Variants in NKAIN2 observed in about 807,000 individuals in gnomAD.
The protein encoded by NKAIN2 is sodium/potassium transporting ATPase interacting 2.
NKAIN2 carries 14 observed loss-of-function variants against 32.6 expected under a neutral mutation model. The observed-to-expected ratio is 0.43, with a 90% CI of 0.28 to 0.67. The LOEUF (loss-of-function observed/expected upper bound fraction) is 0.67, where lower values mean the gene tolerates loss of function less well. Ranked by LOEUF, NKAIN2 falls within the 30% of genes least tolerant of loss-of-function variation. The probability of loss-of-function intolerance (pLI) is 0.17; values close to 1 mark genes in which losing one functional copy is unlikely to be tolerated. For synonymous variants in NKAIN2, 80 were observed against 87.2 expected (o/e 0.92, Z 0.46); for missense variants, 198 against 258.3 (o/e 0.77, Z 1.60).
intron 3 of NKAIN2, among the ~76,000 whole-genome samples, chr6:124,451,858 G>A (rs1307913963): frequency 6.6e-6 from 1 of 151,966 alleles, no homozygotes; most frequent in Non-Finnish European, 1.5e-5. Context: ...CCTCTGTTGT[G>A]GATGTGATAA....
At chr6:124,008,332 A>G (rs1388494656) in intron 1 of NKAIN2, among the ~76,000 whole-genome samples, 1 of 149,084 alleles carries the variant, frequency 6.7e-6, no homozygotes, top group African/African-American at 2.6e-5. Flanking sequence ...ACCAAACACA[A>G]TGTAAACACT....
intron 5 of NKAIN2, among the ~76,000 whole-genome samples, chr6:124,793,238 G>A (rs974003629): frequency 2.0e-5 from 3 of 152,094 alleles, no homozygotes; most frequent in South Asian, 2.1e-4. Context: ...TGCCACTTGC[G>A]AAGAAAAATG....
At chr6:124,426,815 A>C (rs1431558053) in intron 3 of NKAIN2, among the ~76,000 whole-genome samples, 1 of 152,120 alleles carries the variant, frequency 6.6e-6, no homozygotes, top group East Asian at 1.9e-4. Flanking sequence ...TGCCATTCTC[A>C]TGATAGTGAG....
rs960917537 is a variant in NKAIN2 at position 124,342,953 on chromosome 6, C to T, written c.193-12314C>T. The stretch of plus-strand genomic sequence containing the variant: ...CCATTAACTCATCATTTAGCATTAG[C>T]TATATCTCCTAATGCTATCCCTTCC... On this transcript the variant is annotated intron_variant, in intron 2 of 6. Transcript: ENST00000368417. Among the ~76,000 whole-genome samples, 18 of 151,108 alleles carry T rather than the reference C, an allele frequency of 1.2e-4. 1 individual carries two copies. The highest frequency in any genetic ancestry group is 3.4e-3 in the Middle Eastern group (1 of 294).
At position 124,485,366 on chromosome 6, in the gene NKAIN2, A is replaced by C. The variant is rs1360497334; in HGVS notation, c.273+130019A>C. ...CCCATTACACCAACAAATGATAAGT[A>C]GTTAATGAAAGCAGACTCTCTCCTT... On this transcript the variant is annotated intron_variant, in intron 3 of 6. Coordinates refer to ENST00000368417, the MANE Select transcript of NKAIN2 (RefSeq NM_001040214.3). 2.0e-5 allele frequency among the ~76,000 whole-genome samples: 3 copies of C among 152,166 alleles called. No individual in the cohort carries two copies. The East Asian group carries it at 5.8e-4, about 29-fold the overall frequency.
intron 2 of NKAIN2, among the ~76,000 whole-genome samples, chr6:124,290,378 TA>T (rs555651775): frequency 3.2e-5 from 4 of 125,604 alleles, no homozygotes; most frequent in African/African-American, 2.1e-4. Context: ...TTTTCTAAAA[TA>T]AAAAAATCAG....
intron 4 of NKAIN2, among the ~76,000 whole-genome samples, chr6:124,775,231 T>A (rs892055832): frequency 6.6e-6 from 1 of 152,194 alleles, no homozygotes; most frequent in African/African-American, 2.4e-5. Flanking sequence ...CAGACAATAT[T>A]TGAGACAGGC....
intron 1 of NKAIN2, among the ~76,000 whole-genome samples, chr6:123,959,523 G>T (rs1777744328): frequency 6.6e-6 from 1 of 152,138 alleles, no homozygotes; most frequent in South Asian, 2.1e-4. Flanking sequence ...CCTTGAACAT[G>T]ATACTTCTTC....
chr6:124,162,233 A>G (rs374909274), intron 1 of NKAIN2, among the ~76,000 whole-genome samples: 218 of 152,150 alleles, frequency 1.4e-3, no homozygotes, highest in African/African-American at 4.9e-3. Flanking sequence ...CATGACATAC[A>G]CCTAAGTACC....
intron 3 of NKAIN2, among the ~76,000 whole-genome samples, chr6:124,634,878 A>C (rs945082985): frequency 6.6e-6 from 1 of 152,056 alleles, no homozygotes; most frequent in African/African-American, 2.4e-5. Context: ...ATATAAGGGA[A>C]TCCCCTTCAG....
chr6:123,899,577 G>A (rs926427423), intron 1 of NKAIN2, among the ~76,000 whole-genome samples: 3 of 152,132 alleles, frequency 2.0e-5, no homozygotes, highest in Non-Finnish European at 2.9e-5. Flanking sequence ...TAATCTTCAC[G>A]CACCTCATGC....
At chr6:124,308,501 C>T (rs1053255868) in intron 2 of NKAIN2, among the ~76,000 whole-genome samples, 1 of 152,112 alleles carries the variant, frequency 6.6e-6, no homozygotes, top group African/African-American at 2.4e-5. Context: ...ACATTTAAAG[C>T]TGAAATATTT....
chr6:124,057,901 AC>A (rs1782734879), intron 1 of NKAIN2, among the ~76,000 whole-genome samples: 1 of 152,060 alleles, frequency 6.6e-6, no homozygotes, highest in East Asian at 1.9e-4. Flanking sequence ...GGAGTGACTT[AC>A]CCAGTTCTTG....
chr6:124,360,241 G>GTTT (rs1230159143), intron 3 of NKAIN2, among the ~76,000 whole-genome samples: 2 of 150,840 alleles, frequency 1.3e-5, no homozygotes, highest in African/African-American at 4.9e-5. Context: ...CTCTTTTTTG[G>GTTT]TTGTGTCTCT....
At chr6:124,432,040 C>T (rs545877175) in intron 3 of NKAIN2, among the ~76,000 whole-genome samples, 1 of 152,222 alleles carries the variant, frequency 6.6e-6, no homozygotes, top group East Asian at 1.9e-4. Context: ...GTTAAACTCC[C>T]TTCTTAATTT....
intron 4 of NKAIN2, among the ~76,000 whole-genome samples, chr6:124,690,915 T>C (rs58475567): frequency 8.6e-4 from 131 of 152,312 alleles, no homozygotes; most frequent in African/African-American, 3.1e-3. Flanking sequence ...ATATTAGAAT[T>C]AAATATTTAG....
At chr6:123,857,751 A>T (rs894321347) in intron 1 of NKAIN2, among the ~76,000 whole-genome samples, 1 of 152,130 alleles carries the variant, frequency 6.6e-6, no homozygotes, top group Non-Finnish European at 1.5e-5. Flanking sequence ...GACCATACAT[A>T]TTGAAGCAGA....
chr6:124,285,993 T>A (rs1001234889), intron 2 of NKAIN2, among the ~76,000 whole-genome samples: 24 of 152,198 alleles, frequency 1.6e-4, no homozygotes, highest in African/African-American at 5.8e-4. Flanking sequence ...ATAATTTTTA[T>A]ATTTGCCATA....
intron 2 of NKAIN2, among the ~76,000 whole-genome samples, chr6:124,290,242 T>C (rs2689875): frequency 0.29 from 44,825 of 152,038 alleles, 9,163 homozygotes; most frequent in African/African-American, 0.58. Context: ...TAAAGATTTA[T>C]AGGATGTGGT....
Sources: allele counts gnomAD v4.1 joint callset (sites outside exome capture counted in the v4.1 genomes callset), GRCh38; gene constraint gnomAD v4.1.1; transcripts MANE v1.5; gene names NCBI Gene and HGNC (gene_info 2026-07-23, HGNC 2026-07-21).